Variants in KCNIP4 observed in about 807,000 individuals in gnomAD.
KCNIP4 encodes the protein Kv channel-interacting protein 4.
Under a neutral mutation model 34.0 loss-of-function variants are expected in KCNIP4, and 12 were observed. That is an observed-to-expected ratio of 0.35 (90% CI 0.23 to 0.57). The LOEUF (loss-of-function observed/expected upper bound fraction) is 0.57. KCNIP4 is among the 20% of genes least tolerant of loss of function. The probability of loss-of-function intolerance (pLI) is 0.83; values close to 1 mark genes in which losing one functional copy is unlikely to be tolerated. For synonymous variants in KCNIP4, 124 were observed against 102.2 expected, an observed-to-expected ratio of 1.21 and a Z score of -1.29; for missense variants, 238 against 311.7, an observed-to-expected ratio of 0.76 and a Z score of 1.78.
At chr4:21,218,547 A>C (rs1371698149) in intron 1 of KCNIP4, among the ~76,000 whole-genome samples, 1 of 152,180 alleles carries the variant, frequency 6.6e-6, no homozygotes, top group Non-Finnish European at 1.5e-5. Context: ...AATGGGTCTC[A>C]GTTTTTATAT....
At chr4:20,981,480 C>A (rs1460467277) in intron 1 of KCNIP4, among the ~76,000 whole-genome samples, 1 of 152,176 alleles carries the variant, frequency 6.6e-6, no homozygotes, top group African/African-American at 2.4e-5. Flanking sequence ...TATTCCCTTT[C>A]TCAACATTAA....
chr4:21,876,484 A>T (rs1430937476), intron 1 of KCNIP4, among the ~76,000 whole-genome samples: 1 of 152,172 alleles, frequency 6.6e-6, no homozygotes, highest in African/African-American at 2.4e-5. Flanking sequence ...TAAATGAGGA[A>T]ATACATTAAT....
At chr4:20,851,530 T>C (rs1721021617) in intron 2 of KCNIP4, among the ~76,000 whole-genome samples, 1 of 152,160 alleles carries the variant, frequency 6.6e-6, no homozygotes, top group Non-Finnish European at 1.5e-5. Flanking sequence ...ATGAATTATA[T>C]TCCTTTGGGT....
At chr4:21,377,612 G>A (rs1721076262) in intron 1 of KCNIP4, among the ~76,000 whole-genome samples, 1 of 152,152 alleles carries the variant, frequency 6.6e-6, no homozygotes, top group African/African-American at 2.4e-5. Flanking sequence ...CACCACATTA[G>A]GCTTAATATT....
At chr4:21,714,818 TA>T (rs1435687407) in intron 1 of KCNIP4, among the ~76,000 whole-genome samples, 4 of 288 alleles carry the variant, frequency 0.014, no homozygotes, top group Non-Finnish European at 0.031. Flanking sequence ...TATTTTATTT[TA>T]TTTTATTTTA....
Position 21,062,884 on chromosome 4 carries a change from G to T in KCNIP4, c.62-180175C>A, listed in dbSNP as rs565955213. Reference sequence around the variant, plus strand: ...CCCACATTAGGATCATTAGGAGGATGATCTGTTTTGCTCAGCCTACTGAAT... The same window carrying T: ...CCCACATTAGGATCATTAGGAGGATTATCTGTTTTGCTCAGCCTACTGAAT... On this transcript the variant is annotated intron_variant, in intron 1 of 8. Transcript: ENST00000382152. Among the ~76,000 whole-genome samples the T allele has an allele frequency of 1.0e-3, 156 of 152,238 alleles. 1 individual carries two copies. The highest frequency in any genetic ancestry group is 3.6e-3 in the African/African-American group (149 of 41,556).
intron 1 of KCNIP4, among the ~76,000 whole-genome samples, chr4:21,351,338 C>T (rs1358696733): frequency 6.6e-6 from 1 of 151,880 alleles, no homozygotes; most frequent in Non-Finnish European, 1.5e-5. Flanking sequence ...CCATGCTGTT[C>T]TATTGATAGT....
chr4:21,205,036 G>A (rs1278619360), intron 1 of KCNIP4, among the ~76,000 whole-genome samples: 1 of 152,172 alleles, frequency 6.6e-6, no homozygotes, highest in African/African-American at 2.4e-5. Flanking sequence ...TTTGCTCTGT[G>A]GCAGACTTAA....
chr4:21,742,874 G>A (rs1345091636), intron 1 of KCNIP4, among the ~76,000 whole-genome samples: 1 of 152,114 alleles, frequency 6.6e-6, no homozygotes, highest in Non-Finnish European at 1.5e-5. Flanking sequence ...GAAAAGATTA[G>A]AAGGATATCT....
intron 1 of KCNIP4, among the ~76,000 whole-genome samples, chr4:21,013,664 G>A (rs1739259803): frequency 6.6e-6 from 1 of 152,126 alleles, no homozygotes; most frequent in African/African-American, 2.4e-5. Context: ...TCTTTGAGGA[G>A]GATTTGTGTC....
intron 1 of KCNIP4, among the ~76,000 whole-genome samples, chr4:21,736,147 G>A (rs1260292104): frequency 6.6e-6 from 1 of 152,108 alleles, no homozygotes; most frequent in Non-Finnish European, 1.5e-5. Flanking sequence ...CTCCTATTTG[G>A]ATTGGTTATT....
chr4:20,945,375 G>A (rs1732084481), intron 1 of KCNIP4, among the ~76,000 whole-genome samples: 1 of 152,162 alleles, frequency 6.6e-6, no homozygotes, highest in Non-Finnish European at 1.5e-5. Flanking sequence ...GAATTCAGTT[G>A]TGTTGGCAAG....
intron 1 of KCNIP4, among the ~76,000 whole-genome samples, chr4:21,684,151 TA>T (rs1397239164): frequency 6.6e-6 from 1 of 152,040 alleles, no homozygotes; most frequent in African/African-American, 2.4e-5. Context: ...GTAAAGCACA[TA>T]AAAAATGCTT....
chr4:21,596,470 G>T (rs1742650726), intron 1 of KCNIP4, among the ~76,000 whole-genome samples: 1 of 152,008 alleles, frequency 6.6e-6, no homozygotes, highest in South Asian at 2.1e-4. Context: ...CTGGAATAAA[G>T]ATATTGTCTT....
At chr4:21,889,913 C>T (rs2109399707) in intron 1 of KCNIP4, among the ~76,000 whole-genome samples, 1 of 152,226 alleles carries the variant, frequency 6.6e-6, no homozygotes, top group East Asian at 1.9e-4. Context: ...TATTTGCTCA[C>T]CCTTAGTGTT....
At chr4:20,889,745 T>TA (rs1725704795) in intron 1 of KCNIP4, among the ~76,000 whole-genome samples, 1 of 127,014 alleles carries the variant, frequency 7.9e-6, no homozygotes, top group Non-Finnish European at 1.7e-5. Context: ...AAATGATGTT[T>TA]AAAAAATAAA....
intron 3 of KCNIP4, among the ~76,000 whole-genome samples, chr4:20,789,673 A>G (rs1282861235): frequency 1.3e-5 from 2 of 151,738 alleles, no homozygotes; most frequent in Non-Finnish European, 1.5e-5. Flanking sequence ...TCAGGACATC[A>G]TCTTACCACT....
At chr4:21,186,155 T>G (rs1755210819) in intron 1 of KCNIP4, among the ~76,000 whole-genome samples, 1 of 152,238 alleles carries the variant, frequency 6.6e-6, no homozygotes, top group Admixed American at 6.5e-5. Context: ...AGATTTACCC[T>G]GTCTTTCCTT....
chr4:21,434,535 G>A (rs370055701), intron 1 of KCNIP4, among the ~76,000 whole-genome samples: 38 of 152,208 alleles, frequency 2.5e-4, no homozygotes, highest in African/African-American at 9.1e-4. Context: ...TGGCCTGTTA[G>A]GAACCGAGCA....
Sources: gnomAD v4.1 joint callset for allele counts (sites outside exome capture counted in the v4.1 genomes callset) on GRCh38, gnomAD v4.1.1 for gene constraint, MANE v1.5 for transcripts, NCBI Gene and HGNC (gene_info 2026-07-23, HGNC 2026-07-21) for gene names.